The following SMC5 variants were observed in gnomAD, a reference collection of about 807,000 sequenced individuals.
The protein encoded by SMC5 is structural maintenance of chromosomes 5, also known as structural maintenance of chromosomes protein 5.
Under a neutral mutation model 148.3 loss-of-function variants are expected in SMC5, and 88 were observed. The observed-to-expected ratio is 0.59, with a 90% CI of 0.50 to 0.71. The LOEUF is 0.71. Ranked by LOEUF, SMC5 falls within the 30% of genes least tolerant of loss-of-function variation. The pLI is 0.00. For missense variants in SMC5, 1,142 were observed against 1,298.9 expected (o/e 0.88, Z 1.86); for synonymous variants, 421 against 432.8 (o/e 0.97, Z 0.34).
intron 17 of SMC5, among the ~76,000 whole-genome samples, chr9:70,332,183 A>G (rs1428482454): frequency 6.6e-6 from 1 of 152,100 alleles, no homozygotes; most frequent in African/African-American, 2.4e-5. Context: ...CACTAAGAGA[A>G]CTTCAGTCCC....
chr9:70,264,495 T>G, intron 2 of SMC5, 50 bp downstream of exon 2: 1 of 1,584,500 alleles, frequency 6.3e-7, no homozygotes, highest in Non-Finnish European at 8.6e-7. Flanking sequence ...ATTAATTGCT[T>G]TTAGTAACAT....
At chr9:70,309,480 T>C (rs545908768) in intron 11 of SMC5, among the ~76,000 whole-genome samples, 3 of 152,110 alleles carry the variant, frequency 2.0e-5, no homozygotes, top group African/African-American at 7.2e-5. Context: ...TTTCAAACCC[T>C]GCCTCTACTT....
chr9:70,295,487 A>AG (rs397938191), intron 8 of SMC5, among the ~76,000 whole-genome samples: 1 of 149,944 alleles, frequency 6.7e-6, no homozygotes, highest in Non-Finnish European at 1.5e-5. Flanking sequence ...AAAAAAAAAA[A>AG]GAAGAAGAGG....
chr9:70,271,823 A>G (rs2034458075), intron 3 of SMC5, among the ~76,000 whole-genome samples: 1 of 152,236 alleles, frequency 6.6e-6, no homozygotes, highest in South Asian at 2.1e-4. Flanking sequence ...TGCAAATGCT[A>G]AGGCTCTAAA....
intron 11 of SMC5, among the ~76,000 whole-genome samples, chr9:70,306,964 A>G (rs1332665220): frequency 1.3e-5 from 2 of 152,220 alleles, no homozygotes; most frequent in Non-Finnish European, 2.9e-5. Flanking sequence ...TCTACATACT[A>G]TTATGTGCAA....
intron 2 of SMC5, among the ~76,000 whole-genome samples, chr9:70,266,312 G>A (rs1171509136): frequency 6.6e-6 from 1 of 152,108 alleles, no homozygotes; most frequent in Non-Finnish European, 1.5e-5. Context: ...ACTTTTCTCT[G>A]TTAATAACTA....
chr9:70,272,256 G>A (rs1403348758), intron 3 of SMC5, among the ~76,000 whole-genome samples: 1 of 152,174 alleles, frequency 6.6e-6, no homozygotes, highest in Non-Finnish European at 1.5e-5. Flanking sequence ...TTTGGGAGCA[G>A]ATCATACATC....
At chr9:70,330,590 A>G (rs1304798876) in intron 17 of SMC5, among the ~76,000 whole-genome samples, 1 of 140,374 alleles carries the variant, frequency 7.1e-6, no homozygotes, top group East Asian at 2.1e-4. Flanking sequence ...TCACTCTGTC[A>G]CCCAGGCTGG....
intron 17 of SMC5, among the ~76,000 whole-genome samples, chr9:70,337,787 C>T (rs936527798): frequency 1.3e-5 from 2 of 151,600 alleles, no homozygotes; most frequent in African/African-American, 4.9e-5. Context: ...AGCTGACTGC[C>T]GTGTTTCTGG....
At chr9:70,305,969 T>C (rs2035484705) in intron 11 of SMC5, among the ~76,000 whole-genome samples, 1 of 152,224 alleles carries the variant, frequency 6.6e-6, no homozygotes, top group African/African-American at 2.4e-5. Flanking sequence ...AAATGAAGGG[T>C]AACATTATCT....
intron 2 of SMC5, among the ~76,000 whole-genome samples, chr9:70,267,299 G>T (rs1393818573): frequency 6.6e-6 from 1 of 152,074 alleles, no homozygotes; most frequent in African/African-American, 2.4e-5. Context: ...GATCCAGTCT[G>T]ATTTTTTTAG....
chr9:70,329,618 C>T (rs1014946591), intron 17 of SMC5, among the ~76,000 whole-genome samples: 4 of 152,190 alleles, frequency 2.6e-5, no homozygotes, highest in Non-Finnish European at 5.9e-5. Context: ...CTCAACAAGT[C>T]TCGAAGTTCC....
chr9:70,341,140 A>T (rs2036512185), intron 17 of SMC5, among the ~76,000 whole-genome samples: 1 of 152,184 alleles, frequency 6.6e-6, no homozygotes, highest in African/African-American at 2.4e-5. Flanking sequence ...GCTCAGCAAG[A>T]ATTGTGGTTT....
chr9:70,279,957 A>G lies in SMC5; in HGVS notation c.679-802A>G, dbSNP rs929383290. ...AATAAGCATAGAAATCTTGTAACCA[A>G]TTGCTTTCTCTTAAACTGTGACTTT... is the stretch of plus-strand genomic sequence containing the variant. On this transcript the variant is annotated intron_variant, in intron 5 of 24. Coordinates refer to ENST00000361138, the MANE Select transcript of SMC5 (RefSeq NM_015110.4). Among the ~76,000 whole-genome samples the G allele has an allele frequency of 4.6e-5, 7 of 152,260 alleles. No homozygotes were observed. In the South Asian group the frequency reaches 1.0e-3, roughly 23 times the overall value.
At chr9:70,350,319 ATCT>A (rs2036774942) in intron 23 of SMC5, 26 bp downstream of exon 23, 3 of 1,610,156 alleles carry the variant, frequency 1.9e-6, no homozygotes, top group East Asian at 2.2e-5. Flanking sequence ...TGTTACTTGG[ATCT>A]TCTTATATCC....
rs73647461 is a variant in SMC5 at position 70,318,889 on chromosome 9, A to G, written c.2076A>G (p.Gln692=). ...AGCACAAAGACAATGAACTTAGACA[A>G]AAGAAGAAGGAGCTTCTTGAGAGAA... ...HLEHKDNELR[Q]KKKELLERKT... is the part of the protein sequence containing the mutation. Residue 692 remains glutamine, a synonymous_variant, in exon 15 of 25, where the codon CAA becomes CAG. Transcript: ENST00000361138. The G allele has an allele frequency of 1.5e-3, 2,485 of 1,612,538 alleles. 43 individuals are homozygous for G. In the African/African-American group the frequency reaches 0.03, roughly 19 times the overall value.
chr9:70,322,161 G>C (rs954587961), intron 15 of SMC5, among the ~76,000 whole-genome samples: 8 of 151,464 alleles, frequency 5.3e-5, no homozygotes, highest in Admixed American at 1.3e-4. Context: ...AATGTGCCTT[G>C]GTTGTTTAAA....
chr9:70,347,865 A>G lies in SMC5; in HGVS notation c.2770-54A>G. Reference sequence around the variant, plus strand: ...TAAAATTTACATAAAATTGTGTGTCAGAATATAGTAATACTGCTTTTAAAT... The same window carrying G: ...TAAAATTTACATAAAATTGTGTGTCGGAATATAGTAATACTGCTTTTAAAT... On this transcript the variant is annotated intron_variant, in intron 21 of 24. Transcript: ENST00000361138. 4 of 1,497,242 alleles carry G rather than the reference A, an allele frequency of 2.7e-6. No individual in the cohort carries two copies. In the South Asian group the frequency reaches 3.8e-5, roughly 14 times the overall value. 92.7% of individuals were successfully genotyped at this position (1,497,242 alleles called of 1,614,324 possible).
chr9:70,323,409 G>T (rs1290719234), intron 15 of SMC5, 74 bp from the exon 16 acceptor site: 7 of 1,415,200 alleles, frequency 4.9e-6, no homozygotes, highest in Non-Finnish European at 6.6e-6. Flanking sequence ...CCAGAAAACT[G>T]GGGGGGACCT....
Sources: gnomAD v4.1 joint callset for allele counts (sites outside exome capture counted in the v4.1 genomes callset) on GRCh38, gnomAD v4.1.1 for gene constraint, MANE v1.5 for transcripts, NCBI Gene and HGNC (gene_info 2026-07-23, HGNC 2026-07-21) for gene names.